The following GALNTL6 variants were observed in gnomAD, a reference collection of about 807,000 sequenced individuals.
The protein encoded by GALNTL6 is polypeptide N-acetylgalactosaminyltransferase-like 6.
A neutral mutation model predicts 73.7 loss-of-function variants in GALNTL6; 46 were observed. The observed-to-expected ratio is 0.62, with a 90% CI of 0.49 to 0.80. The LOEUF is 0.80. Among genes scored for constraint, GALNTL6 ranks in the 30% least tolerant of loss-of-function variants. GALNTL6 has a pLI of 0.00. For synonymous variants in GALNTL6, 259 were observed against 263.7 expected, an observed-to-expected ratio of 0.98 and a Z score of 0.17; for missense variants, 604 against 755.0, an observed-to-expected ratio of 0.80 and a Z score of 2.34.
intron 9 of GALNTL6, among the ~76,000 whole-genome samples, chr4:172,939,362 T>C (rs1191683570): frequency 6.6e-6 from 1 of 152,110 alleles, no homozygotes; most frequent in East Asian, 1.9e-4. Flanking sequence ...ATTTTAAAAA[T>C]CAAGGCATCT....
At chr4:172,996,304 T>C (rs1174906304) in intron 10 of GALNTL6, among the ~76,000 whole-genome samples, 1 of 152,012 alleles carries the variant, frequency 6.6e-6, no homozygotes, top group Non-Finnish European at 1.5e-5. Flanking sequence ...AATCAAATAT[T>C]ACATGTTCTC....
chr4:172,757,862 C>A (rs887518669), intron 5 of GALNTL6, among the ~76,000 whole-genome samples: 4 of 152,016 alleles, frequency 2.6e-5, no homozygotes, highest in Non-Finnish European at 5.9e-5. Context: ...TTTGATAAAT[C>A]ATAAAAATAG....
intron 2 of GALNTL6, among the ~76,000 whole-genome samples, chr4:171,926,820 T>G (rs975898150): frequency 6.6e-6 from 1 of 152,162 alleles, no homozygotes; most frequent in Non-Finnish European, 1.5e-5. Context: ...CCTTCCTGAT[T>G]AGCAAATTAT....
chr4:171,830,106 G>A (rs111712053), intron 2 of GALNTL6, among the ~76,000 whole-genome samples: 1,928 of 152,150 alleles, frequency 0.013, 40 homozygotes, highest in African/African-American at 0.044. Flanking sequence ...GCAATGTGCA[G>A]ACGAAGGCAG....
rs143929175 is a variant in GALNTL6, at chr4:172,339,184, G to A, written c.387-9339G>A. On this transcript the variant is annotated intron_variant, in intron 4 of 12. Transcript: ENST00000506823. ...AATGTCTGGAGATATGCCTGGGCAT[G>A]GAGTAGAGAGGACCCCTCTGTACCT... is the stretch of plus-strand genomic sequence containing the variant. 1.4e-3 allele frequency among the ~76,000 whole-genome samples: 205 copies of A among 151,434 alleles called. 1 individual carries two copies. The highest frequency in any genetic ancestry group is 2.6e-3 in the Admixed American group (39 of 15,190).
intron 5 of GALNTL6, among the ~76,000 whole-genome samples, chr4:172,742,526 A>G (rs1236865928): frequency 6.6e-6 from 1 of 151,936 alleles, no homozygotes; most frequent in Admixed American, 6.6e-5. Flanking sequence ...TTCTTTGGGA[A>G]CCAAGATCTG....
At chr4:172,440,926 TAAG>T (rs1357319475) in intron 5 of GALNTL6, among the ~76,000 whole-genome samples, 1 of 152,162 alleles carries the variant, frequency 6.6e-6, no homozygotes, top group Non-Finnish European at 1.5e-5. Context: ...TATAATTCAT[TAAG>T]TTTTATCTTT....
intron 5 of GALNTL6, among the ~76,000 whole-genome samples, chr4:172,628,562 CA>C (rs1200801527): frequency 3.3e-5 from 5 of 152,002 alleles, no homozygotes. Context: ...AACATAATTA[CA>C]AAAACTTCAT....
chr4:172,157,246 A>T (rs751668026), intron 2 of GALNTL6, among the ~76,000 whole-genome samples: 10 of 152,196 alleles, frequency 6.6e-5, no homozygotes, highest in Non-Finnish European at 1.0e-4. Context: ...CTACAGCAAG[A>T]TAGAAAACTA....
intron 5 of GALNTL6, among the ~76,000 whole-genome samples, chr4:172,367,789 C>T (rs965176803): frequency 4.6e-5 from 7 of 151,918 alleles, no homozygotes; most frequent in African/African-American, 1.7e-4. Flanking sequence ...CTATATAAAA[C>T]TTACTGCACA....
intron 5 of GALNTL6, among the ~76,000 whole-genome samples, chr4:172,719,356 T>C (rs964856506): frequency 6.6e-6 from 1 of 152,182 alleles, no homozygotes; most frequent in Admixed American, 6.5e-5. Context: ...CAAGAACCAA[T>C]TATAATACTC....
intron 5 of GALNTL6, among the ~76,000 whole-genome samples, chr4:172,606,607 TATAC>T (rs1738287684): frequency 8.8e-6 from 1 of 113,274 alleles, no homozygotes; most frequent in African/African-American, 3.5e-5. Flanking sequence ...TATATACATA[TATAC>T]ATATATAGTA....
At chr4:172,236,067 T>G (rs928108291) in intron 3 of GALNTL6, among the ~76,000 whole-genome samples, 1 of 152,198 alleles carries the variant, frequency 6.6e-6, no homozygotes, top group African/African-American at 2.4e-5. Flanking sequence ...CATTTTTCTA[T>G]TGTAGAATAA....
chr4:173,018,108 T>C (rs1752854894), intron 11 of GALNTL6, among the ~76,000 whole-genome samples: 4 of 152,152 alleles, frequency 2.6e-5, no homozygotes, highest in African/African-American at 4.8e-5. Context: ...GGGAAATAAA[T>C]CAATCAAGAC....
At chr4:172,886,260 A>AT (rs1423555321) in intron 8 of GALNTL6, among the ~76,000 whole-genome samples, 1 of 152,066 alleles carries the variant, frequency 6.6e-6, no homozygotes, top group Admixed American at 6.6e-5. Flanking sequence ...TTCATGGTTC[A>AT]ATCTTCATAG....
chr4:172,172,378 G>A (rs1455000067), intron 2 of GALNTL6, among the ~76,000 whole-genome samples: 7 of 152,062 alleles, frequency 4.6e-5, no homozygotes, highest in Non-Finnish European at 8.8e-5. Flanking sequence ...TGTATTTTTA[G>A]TAGAGATGAG....
At chr4:171,860,534 C>T (rs1479171847) in intron 2 of GALNTL6, among the ~76,000 whole-genome samples, 4 of 152,136 alleles carry the variant, frequency 2.6e-5, no homozygotes, top group African/African-American at 9.7e-5. Context: ...AGAAAATAAC[C>T]ACCAGAAAAA....
intron 5 of GALNTL6, among the ~76,000 whole-genome samples, chr4:172,583,828 T>C (rs911382916): frequency 5.5e-5 from 7 of 127,098 alleles, no homozygotes; most frequent in African/African-American, 2.2e-4. Context: ...ACCCAGGAGG[T>C]GGAGGTTGCA....
intron 3 of GALNTL6, among the ~76,000 whole-genome samples, chr4:172,243,045 C>G (rs556882335): frequency 6.9e-6 from 1 of 144,714 alleles, no homozygotes; most frequent in South Asian, 2.2e-4. Flanking sequence ...ATTCCACTAC[C>G]CATAAGGCCC....
Sources: allele counts gnomAD v4.1 joint callset (sites outside exome capture counted in the v4.1 genomes callset), GRCh38; gene constraint gnomAD v4.1.1; transcripts MANE v1.5; gene names NCBI Gene and HGNC (gene_info 2026-07-23, HGNC 2026-07-21).